The following CNTN4 variants were observed in gnomAD, a reference collection of about 807,000 sequenced individuals.
The protein encoded by CNTN4 is contactin-4.
A neutral mutation model predicts 122.5 loss-of-function variants in CNTN4; 77 were observed. That is an observed-to-expected ratio of 0.63 (90% CI 0.52 to 0.76). The LOEUF (loss-of-function observed/expected upper bound fraction) is 0.76. Among genes scored for constraint, CNTN4 ranks in the 30% least tolerant of loss-of-function variants. CNTN4 has a pLI of 0.00. For missense variants in CNTN4, 1,256 were observed against 1,259.1 expected (o/e 1.00, Z 0.04); for synonymous variants, 512 against 447.0 (o/e 1.15, Z -1.83).
intron 6 of CNTN4, among the ~76,000 whole-genome samples, chr3:2,767,295 G>C (rs561872113): frequency 1.3e-5 from 2 of 152,120 alleles, no homozygotes; most frequent in Non-Finnish European, 2.9e-5. Context: ...ATCTTCCAAA[G>C]ACTTTATTTC....
intron 3 of CNTN4, among the ~76,000 whole-genome samples, chr3:2,349,779 A>G (rs1252016779): frequency 6.6e-6 from 1 of 152,188 alleles, no homozygotes; most frequent in Non-Finnish European, 1.5e-5. Context: ...AAAGTGAACT[A>G]AGATCTTGGA....
intron 7 of CNTN4, among the ~76,000 whole-genome samples, chr3:2,830,705 G>A (rs1403618480): frequency 6.6e-6 from 1 of 152,206 alleles, no homozygotes; most frequent in Non-Finnish European, 1.5e-5. Context: ...ATTCACTACA[G>A]GATAGACGGG....
In CNTN4 at chr3:2,367,520, C is replaced by CT. The variant is rs566407814; in HGVS notation, c.-89+28295dup. 5.2e-3 allele frequency among the ~76,000 whole-genome samples: 786 copies of CT among 152,098 alleles called. 10 individuals are homozygous for CT. Among genetic ancestry groups the CT allele is most frequent in the African/African-American group, 0.017 (705 of 41,504 alleles). On this transcript the variant is annotated intron_variant, in intron 3 of 24. Transcript: ENST00000418658. ...AATGTCACTTGGCTTTGAGATGAGT[C>CT]TTTTTTTTATTTTTATTTTTTGAGA... is the stretch of plus-strand genomic sequence containing the variant.
intron 2 of CNTN4, 92 bp downstream of exon 2, chr3:2,100,731 G>T (rs2125076533): frequency 6.6e-6 from 1 of 152,276 alleles, no homozygotes; most frequent in East Asian, 1.9e-4. Context: ...AGATTGCTAA[G>T]GATCAAAAAC....
At chr3:2,522,154 T>A (rs920262547) in intron 3 of CNTN4, among the ~76,000 whole-genome samples, 2 of 58,358 alleles carry the variant, frequency 3.4e-5, no homozygotes, top group African/African-American at 1.6e-4. Context: ...GCAGTTTGTG[T>A]GTGTGTGTGT....
At chr3:2,303,266 A>G (rs1175354397) in intron 2 of CNTN4, among the ~76,000 whole-genome samples, 5 of 152,210 alleles carry the variant, frequency 3.3e-5, no homozygotes, top group East Asian at 1.9e-4. Flanking sequence ...ACAATTTAGT[A>G]TATTCAGAGT....
intron 5 of CNTN4, among the ~76,000 whole-genome samples, chr3:2,742,731 G>A (rs1294457854): frequency 3.9e-5 from 6 of 152,148 alleles, no homozygotes; most frequent in Non-Finnish European, 1.5e-5. Flanking sequence ...TGTCCCTTGG[G>A]AAAATCTCTA....
At chr3:2,119,618 T>C (rs1228403234) in intron 2 of CNTN4, among the ~76,000 whole-genome samples, 1 of 152,172 alleles carries the variant, frequency 6.6e-6, no homozygotes, top group Non-Finnish European at 1.5e-5. Context: ...TGGAAATTTG[T>C]AGTGGTAAAG....
At chr3:2,917,463 T>C (rs2094381226) in intron 12 of CNTN4, among the ~76,000 whole-genome samples, 1 of 151,728 alleles carries the variant, frequency 6.6e-6, no homozygotes, top group Non-Finnish European at 1.5e-5. Flanking sequence ...TTGTTAAGTT[T>C]AGATTCCAAT....
chr3:2,479,478 G>A (rs574856785), intron 3 of CNTN4, among the ~76,000 whole-genome samples: 5 of 152,284 alleles, frequency 3.3e-5, no homozygotes, highest in Admixed American at 3.3e-4. Flanking sequence ...GCCCATAAAA[G>A]GGAAGAAAGT....
chr3:2,575,031 C>G (rs1240855154), intron 4 of CNTN4, among the ~76,000 whole-genome samples: 1 of 152,008 alleles, frequency 6.6e-6, no homozygotes, highest in Non-Finnish European at 1.5e-5. Flanking sequence ...TTACAATAAA[C>G]TATTAGTATA....
chr3:2,101,443 A>C (rs1468067110), intron 2 of CNTN4, among the ~76,000 whole-genome samples: 1 of 152,190 alleles, frequency 6.6e-6, no homozygotes, highest in East Asian at 1.9e-4. Flanking sequence ...CATTAGCTTC[A>C]ATCTCTCTTA....
At chr3:2,164,925 A>G (rs2036131941) in intron 2 of CNTN4, among the ~76,000 whole-genome samples, 1 of 152,216 alleles carries the variant, frequency 6.6e-6, no homozygotes. Context: ...CAAAATGAAA[A>G]TGAGTCAAAA....
At chr3:2,141,106 C>A (rs1398598300) in intron 2 of CNTN4, among the ~76,000 whole-genome samples, 1 of 152,152 alleles carries the variant, frequency 6.6e-6, no homozygotes, top group Non-Finnish European at 1.5e-5. Context: ...ATGAAGAGCA[C>A]CTTAGCATTT....
chr3:2,977,547 T>C (rs1693541044), intron 13 of CNTN4, among the ~76,000 whole-genome samples: 1 of 151,876 alleles, frequency 6.6e-6, no homozygotes, highest in Admixed American at 6.6e-5. Context: ...CAAGTCTCTG[T>C]TAGCTGCTGT....
intron 2 of CNTN4, among the ~76,000 whole-genome samples, chr3:2,123,661 G>C (rs1238656373): frequency 6.6e-6 from 1 of 152,148 alleles, no homozygotes; most frequent in Non-Finnish European, 1.5e-5. Context: ...CGCTACACTG[G>C]CTGTAATTAG....
At chr3:2,978,272 G>A (rs1693616229) in intron 13 of CNTN4, among the ~76,000 whole-genome samples, 1 of 152,194 alleles carries the variant, frequency 6.6e-6, no homozygotes, top group Admixed American at 6.5e-5. Flanking sequence ...ACATTGAAGA[G>A]GGGATAGATC....
intron 3 of CNTN4, among the ~76,000 whole-genome samples, chr3:2,432,234 C>A (rs750813322): frequency 1.7e-4 from 26 of 152,340 alleles, no homozygotes; most frequent in Non-Finnish European, 3.2e-4. Flanking sequence ...CTAACTCTCC[C>A]TTTCTCCCTT....
intron 2 of CNTN4, among the ~76,000 whole-genome samples, chr3:2,325,114 T>G (rs1050432756): frequency 6.6e-6 from 1 of 152,194 alleles, no homozygotes; most frequent in South Asian, 2.1e-4. Flanking sequence ...GTATTTGCCT[T>G]TGTCACTCTC....
Sources: gnomAD v4.1 joint callset for allele counts (sites outside exome capture counted in the v4.1 genomes callset) on GRCh38, gnomAD v4.1.1 for gene constraint, MANE v1.5 for transcripts, NCBI Gene and HGNC (gene_info 2026-07-23, HGNC 2026-07-21) for gene names.